The following DIAPH3 variants were observed in gnomAD, a reference collection of about 807,000 sequenced individuals.
The protein encoded by DIAPH3 is protein diaphanous homolog 3.
Under a neutral mutation model 144.3 loss-of-function variants are expected in DIAPH3, and 117 were observed. The observed-to-expected ratio is 0.81, with a 90% CI of 0.70 to 0.95. DIAPH3 has a LOEUF of 0.95. DIAPH3 is among the 40% of genes least tolerant of loss of function. The pLI, the probability that DIAPH3 is intolerant of heterozygous loss-of-function variation, is 0.00. For missense variants in DIAPH3, 1,421 were observed against 1,412.7 expected (o/e 1.01, Z -0.09); for synonymous variants, 519 against 488.9 (o/e 1.06, Z -0.81).
chr13:59,901,081 C>T (rs2046401634), intron 20 of DIAPH3, among the ~76,000 whole-genome samples: 1 of 152,208 alleles, frequency 6.6e-6, no homozygotes, highest in Non-Finnish European at 1.5e-5. Flanking sequence ...ATTGAAATAG[C>T]TTGTTAACCA....
rs71089521 is a variant in DIAPH3, at chr13:60,014,969, T to TTTTTGTTTTGTTTTGTTTTG, written c.771+924_771+943dup. Among the ~76,000 whole-genome samples the TTTTTGTTTTGTTTTGTTTTG allele has an allele frequency of 2.4e-3, 348 of 147,112 alleles. 2 individuals carry two copies. The highest frequency in any genetic ancestry group is 3.5e-3 in the Non-Finnish European group (233 of 67,020). On this transcript the variant is annotated intron_variant, in intron 7 of 27. Transcript: ENST00000400324. The stretch of plus-strand genomic sequence containing the variant: ...TAAGAATTCCTCTTTTTTTCTAGTT[T>TTTTTGTTTTGTTTTGTTTTG]TTTTGTTTTGTTTTGTTTTGTTTTG...
chr13:60,101,014 A>C (rs2137973409), intron 3 of DIAPH3, among the ~76,000 whole-genome samples: 1 of 152,210 alleles, frequency 6.6e-6, no homozygotes. Flanking sequence ...TTCATTCCAA[A>C]CCTGCTCTAT....
At chr13:60,089,617 T>A (rs548937003) in intron 4 of DIAPH3, among the ~76,000 whole-genome samples, 144 of 152,350 alleles carry the variant, frequency 9.5e-4, no homozygotes, top group Admixed American at 2.0e-3. Context: ...CACATCCTGC[T>A]ATCAAGGCCT....
chr13:60,163,861 G>A lies in DIAPH3; in HGVS notation c.-95C>T. 1 of 1,465,532 alleles carries A rather than the reference G, an allele frequency of 6.8e-7. No homozygotes were observed. The highest frequency in any genetic ancestry group is 2.5e-5 in the East Asian group (1 of 39,604). 90.8% of individuals were successfully genotyped at this position (1,465,532 alleles called of 1,614,324 possible). A position where few individuals can be genotyped will look rare whatever the true frequency, so the allele number is the denominator to read the frequency against. On this transcript the variant is annotated 5_prime_UTR_variant, in exon 1 of 28. Transcript: ENST00000400324. ...ATCGACAACAGGTTTTACTCCCGGG[G>A]TCCGCCACCCAAACAGTCAGCACAG...
chr13:60,048,631 T>C (rs1053079101), intron 4 of DIAPH3, among the ~76,000 whole-genome samples: 1 of 142,092 alleles, frequency 7.0e-6, no homozygotes, highest in African/African-American at 2.6e-5. Flanking sequence ...TTAAGTTAAA[T>C]ATACATTGCC....
At chr13:59,835,743 G>A (rs1362769067) in intron 23 of DIAPH3, among the ~76,000 whole-genome samples, 3 of 151,656 alleles carry the variant, frequency 2.0e-5, no homozygotes, top group East Asian at 1.9e-4. Flanking sequence ...CAACTGGGCC[G>A]TGTATTATAC....
intron 17 of DIAPH3, among the ~76,000 whole-genome samples, chr13:59,931,945 C>T (rs925262685): frequency 4.6e-5 from 7 of 152,180 alleles, no homozygotes; most frequent in African/African-American, 7.2e-5. Context: ...ATCCTAGTAA[C>T]TACTCCACTA....
At chr13:60,151,867 C>T (rs921096433) in intron 1 of DIAPH3, among the ~76,000 whole-genome samples, 2 of 152,086 alleles carry the variant, frequency 1.3e-5, no homozygotes, top group African/African-American at 4.8e-5. Context: ...AGATTATATG[C>T]ACTCCATTTT....
intron 9 of DIAPH3, among the ~76,000 whole-genome samples, chr13:60,001,655 T>C (rs2052535301): frequency 6.6e-6 from 1 of 152,204 alleles, no homozygotes; most frequent in Non-Finnish European, 1.5e-5. Flanking sequence ...AGACTATTTA[T>C]CTTATGTGAA....
intron 5 of DIAPH3, among the ~76,000 whole-genome samples, chr13:60,025,220 CTTCTTTG>C (rs1237178592): frequency 6.6e-6 from 1 of 151,818 alleles, no homozygotes; most frequent in East Asian, 1.9e-4. Flanking sequence ...TTTGTTGGGA[CTTCTTTG>C]TTCTGTGCCC....
At chr13:60,158,147 T>C (rs1464738070) in intron 1 of DIAPH3, among the ~76,000 whole-genome samples, 1 of 152,196 alleles carries the variant, frequency 6.6e-6, no homozygotes, top group African/African-American at 2.4e-5. Context: ...TTGTCTCCAA[T>C]AGCCATGTCT....
At chr13:60,142,895 A>G (rs1024554771) in intron 1 of DIAPH3, among the ~76,000 whole-genome samples, 2 of 151,482 alleles carry the variant, frequency 1.3e-5, no homozygotes, top group African/African-American at 4.8e-5. Context: ...TTACAAGAGC[A>G]CACCACCATG....
At chr13:59,870,032 T>G (rs910633723) in intron 21 of DIAPH3, among the ~76,000 whole-genome samples, 1 of 152,130 alleles carries the variant, frequency 6.6e-6, no homozygotes, top group African/African-American at 2.4e-5. Context: ...GTGTTATATC[T>G]AAAACGTCAT....
At chr13:59,767,997 T>C (rs1442469529) in intron 27 of DIAPH3, among the ~76,000 whole-genome samples, 1 of 152,222 alleles carries the variant, frequency 6.6e-6, no homozygotes, top group Non-Finnish European at 1.5e-5. Flanking sequence ...CAGGGCATCC[T>C]TACCTAGGCA....
intron 27 of DIAPH3, among the ~76,000 whole-genome samples, chr13:59,751,024 C>T (rs1040751401): frequency 1.3e-5 from 2 of 152,238 alleles, no homozygotes; most frequent in Non-Finnish European, 1.5e-5. Flanking sequence ...GCAGAGCAGC[C>T]GGTTGCCTTC....
At chr13:60,072,343 C>T (rs1224653731) in intron 4 of DIAPH3, among the ~76,000 whole-genome samples, 1 of 152,136 alleles carries the variant, frequency 6.6e-6, no homozygotes, top group African/African-American at 2.4e-5. Flanking sequence ...ACCCACTTAA[C>T]AGACATTTTC....
At chr13:60,083,875 C>T (rs1468349131) in intron 4 of DIAPH3, among the ~76,000 whole-genome samples, 1 of 151,830 alleles carries the variant, frequency 6.6e-6, no homozygotes, top group African/African-American at 2.4e-5. Flanking sequence ...GCACTCCAGC[C>T]TGGGTGACAG....
At chr13:60,084,866 G>A (rs566497957) in intron 4 of DIAPH3, among the ~76,000 whole-genome samples, 45 of 152,188 alleles carry the variant, frequency 3.0e-4, no homozygotes, top group African/African-American at 1.1e-3. Flanking sequence ...ACACTGAGCC[G>A]GTTAGGAAAT....
chr13:59,704,411 T>A (rs184304224), intron 27 of DIAPH3, among the ~76,000 whole-genome samples: 2 of 152,320 alleles, frequency 1.3e-5, no homozygotes, highest in Admixed American at 1.3e-4. Flanking sequence ...GATCTTTGTT[T>A]CCTCTGGTAT....
Sources: allele counts gnomAD v4.1 joint callset (sites outside exome capture counted in the v4.1 genomes callset), GRCh38; gene constraint gnomAD v4.1.1; transcripts MANE v1.5; gene names NCBI Gene and HGNC (gene_info 2026-07-23, HGNC 2026-07-21).